PRDM1: variants seen among roughly 807,000 people sequenced by gnomAD.
The protein encoded by PRDM1 is PR/SET domain 1.
Under a neutral mutation model 62.8 loss-of-function variants are expected in PRDM1, and 13 were observed. The observed-to-expected ratio is 0.21, with a 90% CI of 0.13 to 0.33. PRDM1 has a LOEUF of 0.33. PRDM1 is among the 10% of genes least tolerant of loss of function. The pLI is 1.00. For synonymous variants in PRDM1, 396 were observed against 417.6 expected, an observed-to-expected ratio of 0.95 and a Z score of 0.63; for missense variants, 895 against 1,058.8, an observed-to-expected ratio of 0.85 and a Z score of 2.15.
At chr6:106,042,702 C>T (rs1301345701) in intron 1 of PRDM1, among the ~76,000 whole-genome samples, 5 of 152,048 alleles carry the variant, frequency 3.3e-5, no homozygotes, top group Admixed American at 2.6e-4. Flanking sequence ...AGTTTTGTAC[C>T]TCAACTTATG....
Position 106,106,314 on chromosome 6 carries a change from A to G in PRDM1, c.1774-57A>G. The stretch of plus-strand genomic sequence containing the variant: ...TCAACACTTGAGTCTTGGAGCAGAA[A>G]TGTTAGGTCTCAGAGCCAGCTTGAG... On this transcript the variant is annotated intron_variant, in intron 5 of 6. Coordinates refer to ENST00000369096, the MANE Select transcript of PRDM1 (RefSeq NM_001198.4). This position sits in a 1 kb window ranked among gnomAD's most constrained non-coding sequence, Gnocchi z 4.4. 6.3e-7 allele frequency: 1 copy of G among 1,597,394 alleles called. No homozygotes were observed. The highest frequency in any genetic ancestry group is 8.6e-7 in the Non-Finnish European group (1 of 1,168,752).
intron 1 of PRDM1, among the ~76,000 whole-genome samples, chr6:106,042,831 C>G (rs1269899969): frequency 1.3e-5 from 2 of 152,236 alleles, no homozygotes; most frequent in Middle Eastern, 3.4e-3. Flanking sequence ...TACTGCCCCT[C>G]TCTCCCCATT....
At chr6:106,053,920 CT>C (rs1773222201) in intron 1 of PRDM1, among the ~76,000 whole-genome samples, 2 of 147,988 alleles carry the variant, frequency 1.4e-5, no homozygotes, top group Admixed American at 6.9e-5. Context: ...GTGGTGAGAT[CT>C]TTTGAATGAG....
rs1421095565 is a variant in PRDM1, at chr6:106,109,586, G to A, written c.*2100G>A. On this transcript the variant is annotated 3_prime_UTR_variant, in exon 7 of 7. Coordinates refer to ENST00000369096, the MANE Select transcript of PRDM1 (RefSeq NM_001198.4). Reference sequence around the variant, plus strand: ...TGTTTGATAAACACAGTCCTTAACTGAAGGTAAACCAAAGCATCACGTTGA... The same window carrying A: ...TGTTTGATAAACACAGTCCTTAACTAAAGGTAAACCAAAGCATCACGTTGA... 1 of 233,624 alleles carries A rather than the reference G, an allele frequency of 4.3e-6. No individual in the cohort carries two copies. The highest frequency in any genetic ancestry group is 2.2e-5 in the African/African-American group (1 of 45,458). The allele number at this position is 233,624 out of a possible 1,614,324, so 14.5% of individuals were successfully genotyped here.
In PRDM1 at chr6:106,106,440, C is replaced by A; in HGVS notation, c.1843C>A (p.Leu615Ile). The A allele has an allele frequency of 6.2e-7, 1 of 1,614,172 alleles. No individual in the cohort carries two copies. Reference sequence around the variant, plus strand: ...GACTTGCAACAAGGGCTTTACTCAGCTCGCCCACCTGCAGAAACACTACCT... The same window carrying A: ...GACTTGCAACAAGGGCTTTACTCAGATCGCCCACCTGCAGAAACACTACCT... Reference protein sequence around the residue: ...CQTCNKGFTQLAHLQKHYLVH... With the variant: ...CQTCNKGFTQIAHLQKHYLVH... Residue 615 changes from leucine to isoleucine, a missense_variant, in exon 6 of 7, where the codon CTC becomes ATC. By Grantham distance (5) the Leu-to-Ile change is conservative. This residue lies in a region of PRDM1 where 74 missense variants were observed against 172.4 expected (regional missense o/e 0.43). Transcript: ENST00000369096. This position sits in a 1 kb window ranked among gnomAD's most constrained non-coding sequence, Gnocchi z 4.4.
intron 1 of PRDM1, among the ~76,000 whole-genome samples, chr6:106,011,785 A>G (rs1200722181): frequency 6.6e-6 from 1 of 151,914 alleles, no homozygotes; most frequent in Non-Finnish European, 1.5e-5. Context: ...TCTTACTCTC[A>G]GTCAGCCTCC....
intron 1 of PRDM1, among the ~76,000 whole-genome samples, chr6:106,007,524 C>T (rs141103568): frequency 4.9e-4 from 75 of 152,340 alleles, no homozygotes; most frequent in African/African-American, 1.8e-3. Flanking sequence ...TCTACTACTG[C>T]ATCTTCCAAA....
intron 1 of PRDM1, among the ~76,000 whole-genome samples, chr6:106,035,624 C>A (rs1772914192): frequency 6.6e-6 from 1 of 151,824 alleles, no homozygotes; most frequent in South Asian, 2.1e-4. Flanking sequence ...GAGAGAGAGA[C>A]CCTGTCTCAA....
chr6:106,012,067 C>T lies in PRDM1; in HGVS notation c.-67+18428C>T, dbSNP rs996632253. 2.2e-5 allele frequency among the ~76,000 whole-genome samples: 3 copies of T among 137,196 alleles called. 1 individual carries two copies. The highest frequency in any genetic ancestry group is 7.4e-5 in the Admixed American group (1 of 13,572). The allele number at this position is 137,196 out of a possible 152,430, so 90.0% of individuals were successfully genotyped here. ...CACCCCTCCACATTCACACACCACA[C>T]TACACACACACACAAACATACCACA... On this transcript the variant is annotated intron_variant, in intron 1 of 6. Coordinates refer to the PRDM1 transcript ENST00000652320.
intron 3 of PRDM1, chr6:106,098,129 A>ATT: frequency 1.1e-6 from 1 of 877,034 alleles, no homozygotes; most frequent in Non-Finnish European, 1.4e-6. Flanking sequence ...GAAAAGCAAT[A>ATT]ACCTGCTGTC....
chr6:106,019,785 G>A (rs980580574), intron 1 of PRDM1, among the ~76,000 whole-genome samples: 6 of 151,532 alleles, frequency 4.0e-5, no homozygotes, highest in African/African-American at 1.5e-4. Flanking sequence ...GAATACAGGC[G>A]CCCGCCACCA....
chr6:106,027,877 C>A (rs1388664717), intron 1 of PRDM1, among the ~76,000 whole-genome samples: 2 of 152,160 alleles, frequency 1.3e-5, no homozygotes, highest in African/African-American at 4.8e-5. Flanking sequence ...GGGTCTCAGG[C>A]TATTCCTACA....
At chr6:106,003,208 C>T (rs1029379121) in intron 1 of PRDM1, among the ~76,000 whole-genome samples, 1 of 152,104 alleles carries the variant, frequency 6.6e-6, no homozygotes, top group Non-Finnish European at 1.5e-5. Context: ...CAAAGCAGGA[C>T]ACTTTTGAGA....
At chr6:106,073,686 G>A (rs1773556447) in intron 1 of PRDM1, among the ~76,000 whole-genome samples, 1 of 152,188 alleles carries the variant, frequency 6.6e-6, no homozygotes, top group Non-Finnish European at 1.5e-5. Flanking sequence ...ATTTCAAGAA[G>A]TATATTTGTT....
intron 2 of PRDM1, among the ~76,000 whole-genome samples, chr6:106,091,502 G>A (rs971439840): frequency 9.9e-5 from 15 of 152,172 alleles, no homozygotes; most frequent in African/African-American, 2.7e-4. Flanking sequence ...GGTGATTGCC[G>A]GGCGCGGTGG....
intron 1 of PRDM1, 66 bp from the exon 2 acceptor site, chr6:106,088,135 C>T (rs2114616997): frequency 6.6e-7 from 1 of 1,525,458 alleles, no homozygotes; most frequent in Non-Finnish European, 8.8e-7. Flanking sequence ...TTAGTCATAG[C>T]CTCTCAGAAG....
At chr6:106,097,232 G>A (rs1051348470) in intron 3 of PRDM1, among the ~76,000 whole-genome samples, 2 of 152,198 alleles carry the variant, frequency 1.3e-5, no homozygotes, top group Non-Finnish European at 2.9e-5. Context: ...AGCCACAAAG[G>A]TGCATAGTTC....
chr6:106,108,100 A>C lies in PRDM1; in HGVS notation c.*614A>C. On this transcript the variant is annotated 3_prime_UTR_variant, in exon 7 of 7. Transcript: ENST00000369096. ...CCAATGTTGGACAGTTGATGTGTTC[A>C]TTCCTGGGATCCTATCATTTGAACA... The C allele has an allele frequency of 4.3e-6, 1 of 233,564 alleles. No homozygotes were observed. The highest frequency in any genetic ancestry group is 5.6e-5 in the Admixed American group (1 of 17,796). 14.5% of individuals were successfully genotyped at this position (233,564 alleles called of 1,614,324 possible).
intron 1 of PRDM1, among the ~76,000 whole-genome samples, chr6:105,997,893 A>G (rs1203014344): frequency 2.6e-5 from 4 of 152,244 alleles, no homozygotes; most frequent in East Asian, 3.8e-4. Context: ...TTATTGTTCA[A>G]TAGTGAAGTT....
Sources: gnomAD v4.1 joint callset for allele counts (sites outside exome capture counted in the v4.1 genomes callset) on GRCh38, gnomAD v4.1.1 for gene constraint, gnomAD v4.1.1 regional missense constraint, Gnocchi (gnomAD v3.1) non-coding constraint, MANE v1.5 for transcripts, NCBI Gene and HGNC (gene_info 2026-07-23, HGNC 2026-07-21) for gene names.